Variants in SEC24D observed in about 807,000 individuals in gnomAD.
SEC24D encodes SEC24 homolog D, COPII component.
In SEC24D, 69 loss-of-function variants were observed where a neutral mutation model predicts 116.9. The observed-to-expected ratio is 0.59, with a 90% CI of 0.49 to 0.72. The LOEUF (loss-of-function observed/expected upper bound fraction) is 0.72, where lower values mean the gene tolerates loss of function less well. Ranked by LOEUF, SEC24D falls within the 30% of genes least tolerant of loss-of-function variation. The probability of loss-of-function intolerance (pLI) is 0.00; values close to 1 mark genes in which losing one functional copy is unlikely to be tolerated. For synonymous variants in SEC24D, 405 were observed against 442.8 expected (o/e 0.91, Z 1.07); for missense variants, 1,131 against 1,264.1 (o/e 0.89, Z 1.60).
chr4:118,808,676 G>T (rs1040986721), intron 6 of SEC24D, among the ~76,000 whole-genome samples: 1 of 152,124 alleles, frequency 6.6e-6, no homozygotes, highest in Non-Finnish European at 1.5e-5. Flanking sequence ...GTACCTGAAG[G>T]GTTTAGATTT....
intron 6 of SEC24D, 73 bp downstream of exon 6, chr4:118,814,955 C>A: frequency 6.6e-7 from 1 of 1,515,474 alleles, no homozygotes; most frequent in Admixed American, 1.8e-5. Context: ...TAAATGCTAA[C>A]AAACTGATGA....
chr4:118,818,805 C>T (rs544635048), intron 3 of SEC24D, among the ~76,000 whole-genome samples: 3 of 151,110 alleles, frequency 2.0e-5, no homozygotes, highest in Admixed American at 6.6e-5. Flanking sequence ...TTCCATTGTA[C>T]GCACAAGTAC....
chr4:118,738,110 C>T (rs1726054532), intron 19 of SEC24D, 151 bp downstream of exon 19: 1 of 561,942 alleles, frequency 1.8e-6, no homozygotes, highest in Non-Finnish European at 3.2e-6. Context: ...ACCACAGCCC[C>T]CCCAAATTGC....
intron 8 of SEC24D, among the ~76,000 whole-genome samples, chr4:118,774,103 CTCT>C (rs932481795): frequency 1.3e-5 from 2 of 151,736 alleles, no homozygotes; most frequent in Non-Finnish European, 2.9e-5. Flanking sequence ...TTTTAGTTGG[CTCT>C]TCTTAACCTA....
In SEC24D at chr4:118,745,007, A is replaced by G. The variant is rs764853315; in HGVS notation, c.1761T>C (p.Ala587=). 8 of 1,613,160 alleles carry G rather than the reference A, an allele frequency of 5.0e-6. 1 individual carries two copies. The South Asian group carries it at 7.7e-5, about 16-fold the overall frequency. Residue 587 remains alanine (A), a synonymous_variant, in exon 14 of 23, where the codon GCT becomes GCC. Coordinates refer to ENST00000280551, the MANE Select transcript of SEC24D (RefSeq NM_014822.4). The part of the protein sequence containing the change: ...LFIFHSSLPT[A]EAPGKLKNRD... ...TGTTTTTGAGCTTCCCTGGTGCTTC[A>G]GCAGTTGGCAAGGAAGAATGGAAGA...
In SEC24D at chr4:118,757,822, TG is replaced by T. The variant is rs763168459; in HGVS notation, c.1319del (p.Pro440GlnfsTer6). Reference sequence around the variant, plus strand: ...AAACATCAATCATGAAGATAAAGGCTGGTGGGTTGGGAGGCTTACTCTTCTA... The same window carrying T: ...AAACATCAATCATGAAGATAAAGGCTGTGGGTTGGGAGGCTTACTCTTCTA... ...YCRKSKPPNP[P>X]AFIFMIDVSY... On this transcript the variant is annotated frameshift_variant, in exon 11 of 23. Transcript: ENST00000280551. LOFTEE classifies it high-confidence loss of function. 1 of 1,611,480 alleles carries T rather than the reference TG, an allele frequency of 6.2e-7. No homozygotes were observed. Among genetic ancestry groups the T allele is most frequent in the Non-Finnish European group, 8.5e-7 (1 of 1,178,756 alleles).
At chr4:118,815,430 C>T (rs1730098838) in intron 5 of SEC24D, 21 bp downstream of exon 5, 1 of 1,612,716 alleles carries the variant, frequency 6.2e-7, no homozygotes, top group African/African-American at 1.3e-5. Context: ...AAAGCCTTCC[C>T]CTGCACCCTG....
intron 9 of SEC24D, among the ~76,000 whole-genome samples, chr4:118,765,829 T>TAA (rs34403499): frequency 1.6e-4 from 24 of 150,284 alleles, no homozygotes; most frequent in Non-Finnish European, 2.5e-4. Context: ...GTTCTTTTTT[T>TAA]AAAAAAAAAA....
Position 118,744,933 on chromosome 4 carries a change from T to C in SEC24D, c.1824+11A>G. Reference sequence around the variant, plus strand: ...AATTGACATATGGATACTCAAAGAGTTACAAAGTACCTTCTCTTTGTCTGT... The same window carrying C: ...AATTGACATATGGATACTCAAAGAGCTACAAAGTACCTTCTCTTTGTCTGT... On this transcript the variant is annotated intron_variant, in intron 14 of 22. Coordinates refer to ENST00000280551, the MANE Select transcript of SEC24D (RefSeq NM_014822.4). 7.0e-7 allele frequency: 1 copy of C among 1,428,378 alleles called. No individual in the cohort carries two copies. The highest frequency in any genetic ancestry group is 1.8e-4 in the Middle Eastern group (1 of 5,686). The allele number at this position is 1,428,378 out of a possible 1,614,324, so 88.5% of individuals were successfully genotyped here.
chr4:118,834,483 A>AT (rs144976559), intron 1 of SEC24D, among the ~76,000 whole-genome samples: 1 of 152,028 alleles, frequency 6.6e-6, no homozygotes, highest in Non-Finnish European at 1.5e-5. Flanking sequence ...ACTCATCTTG[A>AT]TTTTTTTTAA....
At chr4:118,795,927 G>A (rs949170702) in intron 8 of SEC24D, among the ~76,000 whole-genome samples, 4 of 152,156 alleles carry the variant, frequency 2.6e-5, no homozygotes, top group African/African-American at 9.7e-5. Context: ...AATGAATTTT[G>A]CCTCAAATGA....
Position 118,815,031 on chromosome 4 carries a change from G to A in SEC24D, c.798C>T (p.Ser266=), listed in dbSNP as rs896661061. ...QKKLDPDSIP[S]PIQVIENDRA... ...TGAGAGTGAGAAGAGTACTTACTGG[G>A]CTAGGGATAGAGTCAGGATCCAGCT... The change falls in exon 6 of 23, where the codon AGC becomes AGT. Residue 266 remains serine, a synonymous_variant. Transcript: ENST00000280551. The A allele has an allele frequency of 6.8e-6, 11 of 1,613,980 alleles. No homozygotes were observed. The East Asian group carries it at 1.3e-4, about 20-fold the overall frequency.
intron 9 of SEC24D, chr4:118,766,973 C>T (rs926824836): frequency 6.6e-6 from 1 of 151,908 alleles, no homozygotes; most frequent in Admixed American, 6.6e-5. Context: ...AGAGAACTAA[C>T]AATCTGGTCT....
chr4:118,742,649 AT>A (rs1446420832), intron 15 of SEC24D, among the ~76,000 whole-genome samples: 2 of 152,254 alleles, frequency 1.3e-5, no homozygotes, highest in Non-Finnish European at 1.5e-5. Context: ...ATAAAGAAAT[AT>A]GTAACTAGTC....
At chr4:118,764,578 C>T in intron 10 of SEC24D, 1 of 420,734 alleles carries the variant, frequency 2.4e-6, no homozygotes, top group Non-Finnish European at 4.2e-6. Flanking sequence ...CTATTTCTGA[C>T]ACCACATTTC....
Position 118,740,765 on chromosome 4 carries a change from G to A in SEC24D, c.2136C>T (p.Asn712=). ...TGGCAGCCATTTCTACATCGGTGGTGTTGTTCATCAAGATTCCACCAAAGA... is the reference window on the plus strand; with the variant it reads ...TGGCAGCCATTTCTACATCGGTGGTATTGTTCATCAAGATTCCACCAAAGA... ...TDFFGGILMN[N]TTDVEMAAID... is the part of the protein sequence containing the mutation. Residue 712 remains asparagine (N), a synonymous_variant, in exon 17 of 23, where the codon AAC becomes AAT. Transcript: ENST00000280551. 1.2e-6 allele frequency: 2 copies of A among 1,613,924 alleles called. No individual in the cohort carries two copies.
At chr4:118,816,829 G>A (rs776144823) in intron 4 of SEC24D, 24 of 455,564 alleles carry the variant, frequency 5.3e-5, no homozygotes, top group Non-Finnish European at 9.7e-5. Context: ...CACAACATCT[G>A]AGCTTCCACT....
intron 7 of SEC24D, among the ~76,000 whole-genome samples, chr4:118,802,980 T>A (rs1729512040): frequency 6.6e-6 from 1 of 152,086 alleles, no homozygotes; most frequent in Non-Finnish European, 1.5e-5. Context: ...CTAAGTAAAA[T>A]AAACCAGACA....
intron 6 of SEC24D, among the ~76,000 whole-genome samples, chr4:118,814,001 T>TGTA (rs1330698327): frequency 2.0e-5 from 3 of 152,238 alleles, no homozygotes; most frequent in African/African-American, 7.2e-5. Flanking sequence ...GCTACTGTTT[T>TGTA]GTAGCAGTTG....
Sources: gnomAD v4.1 joint callset for allele counts (sites outside exome capture counted in the v4.1 genomes callset) on GRCh38, gnomAD v4.1.1 for gene constraint, MANE v1.5 for transcripts, NCBI Gene and HGNC (gene_info 2026-07-23, HGNC 2026-07-21) for gene names.